Variants in GATAD2B observed in about 807,000 individuals in gnomAD.
GATAD2B encodes GATA zinc finger domain containing 2B, also known as transcriptional repressor p66-beta.
A neutral mutation model predicts 64.3 loss-of-function variants in GATAD2B; 8 were observed. The ratio of observed to expected loss-of-function variants is 0.12; its 90% CI spans 0.07 to 0.22. The LOEUF is 0.22. GATAD2B is among the 10% of genes least tolerant of loss of function. The pLI is 1.00. For synonymous variants in GATAD2B, 281 were observed against 271.3 expected (o/e 1.04, Z -0.35); for missense variants, 453 against 752.0 (o/e 0.60, Z 4.65).
intron 1 of GATAD2B, among the ~76,000 whole-genome samples, chr1:153,847,383 AAAAAAG>A (rs1675725287): frequency 6.6e-6 from 1 of 152,142 alleles, no homozygotes; most frequent in Non-Finnish European, 1.5e-5. Context: ...GTAGATAAGT[AAAAAAG>A]ACCACATCTT....
At chr1:153,856,518 TTAAA>T (rs1469001810) in intron 1 of GATAD2B, among the ~76,000 whole-genome samples, 3 of 152,226 alleles carry the variant, frequency 2.0e-5, no homozygotes, top group Non-Finnish European at 2.9e-5. Context: ...TTCTATATGC[TTAAA>T]TATTTTCAAT....
At chr1:153,829,629 T>C (rs1190878717) in intron 1 of GATAD2B, among the ~76,000 whole-genome samples, 1 of 151,928 alleles carries the variant, frequency 6.6e-6, no homozygotes, top group Non-Finnish European at 1.5e-5. Context: ...CCCTGCTACT[T>C]GGGAAGCTGA....
intron 6 of GATAD2B, 39 bp downstream of exon 6, chr1:153,817,332 GA>G: frequency 6.9e-7 from 1 of 1,458,218 alleles, no homozygotes; most frequent in Non-Finnish European, 9.1e-7. Context: ...CAAACAAAGG[GA>G]TTTCTCTGTT....
At chr1:153,811,923 C>T in intron 9 of GATAD2B, 75 bp from the exon 10 acceptor site, 1 of 1,238,046 alleles carries the variant, frequency 8.1e-7, no homozygotes. Context: ...TAAGGGAGTA[C>T]AGAAGAAGAC....
At chr1:153,811,437 C>A (rs1674288187) in intron 10 of GATAD2B, among the ~76,000 whole-genome samples, 1 of 152,134 alleles carries the variant, frequency 6.6e-6, no homozygotes, top group Admixed American at 6.6e-5. Flanking sequence ...GAACAGTTAA[C>A]CCTGCTGTCC....
At chr1:153,834,871 G>A (rs973822342) in intron 1 of GATAD2B, among the ~76,000 whole-genome samples, 7 of 152,026 alleles carry the variant, frequency 4.6e-5, no homozygotes, top group African/African-American at 1.7e-4. Context: ...TGTAATCCCA[G>A]CACTTTGGGA....
rs1676205236 is a variant in GATAD2B, at chr1:153,859,568, G to T, written c.-1-31220C>A. Among the ~76,000 whole-genome samples, 2 of 151,482 alleles carry T rather than the reference G, an allele frequency of 1.3e-5. 1 individual carries two copies. The highest frequency in any genetic ancestry group is 4.2e-4 in the South Asian group (2 of 4,788). On this transcript the variant is annotated intron_variant, in intron 1 of 10. Coordinates refer to ENST00000368655, the MANE Select transcript of GATAD2B (RefSeq NM_020699.4). Reference sequence around the variant, plus strand: ...GCCTGTAATCCCAGCTGCTCGGGAGGCTGAGACAGGAGAATCGCTTGAACC... The same window carrying T: ...GCCTGTAATCCCAGCTGCTCGGGAGTCTGAGACAGGAGAATCGCTTGAACC...
chr1:153,829,589 T>C lies in GATAD2B; in HGVS notation c.-1-1241A>G, dbSNP rs1232651439. Among the ~76,000 whole-genome samples, 2 of 150,582 alleles carry C rather than the reference T, an allele frequency of 1.3e-5. 1 individual carries two copies. The highest frequency in any genetic ancestry group is 3.0e-5 in the Non-Finnish European group (2 of 67,702). On this transcript the variant is annotated intron_variant, in intron 1 of 10. Transcript: ENST00000368655. ...CATCTCTACTAAAAATATAAAAACT[T>C]AGCTGGGCGTGGTGGCGGGCGCCTG...
At chr1:153,879,364 C>T (rs1209260026) in intron 1 of GATAD2B, among the ~76,000 whole-genome samples, 3 of 152,254 alleles carry the variant, frequency 2.0e-5, no homozygotes, top group South Asian at 2.1e-4. Context: ...CATGAGCCAC[C>T]GCTCTCGGCC....
At chr1:153,814,626 T>C (rs1037063077) in intron 7 of GATAD2B, among the ~76,000 whole-genome samples, 2 of 151,760 alleles carry the variant, frequency 1.3e-5, no homozygotes, top group Non-Finnish European at 1.5e-5. Context: ...CAGAAATAAT[T>C]AGCTAGGTGT....
At chr1:153,852,716 CGAAGTGAAGCTTGGTAGACAG>C in intron 1 of GATAD2B, 2 of 931,446 alleles carry the variant, frequency 2.1e-6, no homozygotes, top group South Asian at 2.6e-5. Flanking sequence ...CCTGCTCATA[CGAAGTGAAGCTTGGTAGACAG>C]GGAGTGAAGC....
chr1:153,812,812 T>G (rs939935650), intron 8 of GATAD2B, among the ~76,000 whole-genome samples: 1 of 152,186 alleles, frequency 6.6e-6, no homozygotes, highest in African/African-American at 2.4e-5. Context: ...ATCCTATAAC[T>G]GCTACATGAG....
chr1:153,869,980 A>G (rs1250801556), intron 1 of GATAD2B, among the ~76,000 whole-genome samples: 4 of 151,758 alleles, frequency 2.6e-5, no homozygotes, highest in African/African-American at 7.3e-5. Context: ...TTTTTTTGAG[A>G]TGAAGTCTGG....
chr1:153,843,430 G>A (rs976738945), intron 1 of GATAD2B, among the ~76,000 whole-genome samples: 9 of 150,738 alleles, frequency 6.0e-5, no homozygotes, highest in African/African-American at 1.9e-4. Context: ...GAGGAGAAGC[G>A]ACATTTACAA....
At chr1:153,820,974 ATTTTTTTTTTTTTTTT>A (rs869096882) in intron 2 of GATAD2B, among the ~76,000 whole-genome samples, 3 of 50,866 alleles carry the variant, frequency 5.9e-5, no homozygotes, top group African/African-American at 2.6e-4. Context: ...GGCACATGGA[ATTTTTTTTTTTTTTTT>A]TTTTTTTTTT....
intron 1 of GATAD2B, among the ~76,000 whole-genome samples, chr1:153,847,863 G>T (rs555603034): frequency 6.6e-6 from 1 of 152,000 alleles, no homozygotes; most frequent in East Asian, 1.9e-4. Context: ...ATTTTCAACT[G>T]TGTTGGATAT....
At position 153,821,963 on chromosome 1, in the gene GATAD2B, T is replaced by C. The variant is rs548465011; in HGVS notation, c.336-2228A>G. Among the ~76,000 whole-genome samples the C allele has an allele frequency of 4.3e-4, 66 of 151,874 alleles. 1 individual carries two copies. Among genetic ancestry groups the C allele is most frequent in the Admixed American group, 4.1e-3 (62 of 15,186 alleles). ...GGGTCATTTTGGGTGGGCAGATCAC[T>C]TGAGGCCAAAAGTTTGAGACCAGCC... On this transcript the variant is annotated intron_variant, in intron 2 of 10. Coordinates refer to ENST00000368655, the MANE Select transcript of GATAD2B (RefSeq NM_020699.4).
intron 1 of GATAD2B, among the ~76,000 whole-genome samples, chr1:153,845,731 C>A (rs775375445): frequency 6.6e-6 from 1 of 151,806 alleles, no homozygotes; most frequent in Non-Finnish European, 1.5e-5. Flanking sequence ...GCACTCAAGC[C>A]TGGGTGACAG....
chr1:153,892,945 G>A (rs1025908473), intron 1 of GATAD2B, among the ~76,000 whole-genome samples: 1 of 151,910 alleles, frequency 6.6e-6, no homozygotes, highest in South Asian at 2.1e-4. Context: ...CACCCGCCTC[G>A]GCCTCCCAAA....
Sources: gnomAD v4.1 joint callset for allele counts (sites outside exome capture counted in the v4.1 genomes callset) on GRCh38, gnomAD v4.1.1 for gene constraint, MANE v1.5 for transcripts, NCBI Gene and HGNC (gene_info 2026-07-23, HGNC 2026-07-21) for gene names.